ASIC2: variants seen among roughly 807,000 people sequenced by gnomAD.
ASIC2 encodes acid sensing ion channel subunit 2, also known as acid-sensing ion channel 2.
Under a neutral mutation model 57.3 loss-of-function variants are expected in ASIC2, and 25 were observed. The ratio of observed to expected loss-of-function variants is 0.44; its 90% CI spans 0.32 to 0.61. The LOEUF (loss-of-function observed/expected upper bound fraction) is 0.61, where lower values mean the gene tolerates loss of function less well. ASIC2 is among the 20% of genes least tolerant of loss of function. The pLI is 0.06. For synonymous variants in ASIC2, 319 were observed against 307.5 expected (o/e 1.04, Z -0.39); for missense variants, 641 against 738.1 (o/e 0.87, Z 1.52).
intron 1 of ASIC2, among the ~76,000 whole-genome samples, chr17:33,491,415 A>G (rs1234256258): frequency 6.6e-6 from 1 of 152,142 alleles, no homozygotes; most frequent in Non-Finnish European, 1.5e-5. Flanking sequence ...CATTTCCTAC[A>G]GTTTCTGGCT....
intron 1 of ASIC2, among the ~76,000 whole-genome samples, chr17:33,567,880 C>A (rs933452079): frequency 3.9e-5 from 6 of 152,184 alleles, no homozygotes; most frequent in East Asian, 1.9e-4. Context: ...CTCTCTCCCC[C>A]ACTCTACATA....
At chr17:34,120,245 G>C (rs1911567481) in intron 1 of ASIC2, 1 of 152,202 alleles carries the variant, frequency 6.6e-6, no homozygotes, top group Non-Finnish European at 1.5e-5. Context: ...CCAACTACCT[G>C]CTAGCGGTTT....
chr17:34,123,193 A>G lies in ASIC2; in HGVS notation c.555+32785T>C, dbSNP rs12949335. Among the ~76,000 whole-genome samples, 993 of 152,240 alleles carry G rather than the reference A, an allele frequency of 6.5e-3. 15 individuals are homozygous for G. The highest frequency in any genetic ancestry group is 0.023 in the African/African-American group (948 of 41,548). On this transcript the variant is annotated intron_variant, in intron 1 of 9. Transcript: ENST00000359872. ...AAGCTCTGGGCAGACAATCTGGTCT[A>G]TTAAGATTCTCTCTGCTGGCCCTGG... is the stretch of plus-strand genomic sequence containing the variant.
intron 1 of ASIC2, among the ~76,000 whole-genome samples, chr17:33,964,630 G>C (rs983852142): frequency 3.3e-5 from 5 of 152,176 alleles, no homozygotes; most frequent in Non-Finnish European, 5.9e-5. Context: ...GTCATTAGAA[G>C]CCCAGTTCCT....
At chr17:33,027,162 G>A (rs930868621) in intron 4 of ASIC2, among the ~76,000 whole-genome samples, 1 of 151,988 alleles carries the variant, frequency 6.6e-6, no homozygotes, top group Non-Finnish European at 1.5e-5. Flanking sequence ...CACATGCATC[G>A]ACTACCCACA....
intron 1 of ASIC2, among the ~76,000 whole-genome samples, chr17:33,272,692 CCACCATCAT>C (rs1904550157): frequency 1.3e-5 from 2 of 152,182 alleles, no homozygotes; most frequent in African/African-American, 4.8e-5. Context: ...CTATCATCAT[CCACCATCAT>C]CACCATCATC....
chr17:34,072,971 A>C (rs546093626), intron 1 of ASIC2, among the ~76,000 whole-genome samples: 2 of 152,228 alleles, frequency 1.3e-5, no homozygotes, highest in Non-Finnish European at 2.9e-5. Context: ...ACATAGAGTC[A>C]ATGAGAAAAA....
At chr17:33,579,309 G>T (rs1452346425) in intron 1 of ASIC2, among the ~76,000 whole-genome samples, 2 of 141,150 alleles carry the variant, frequency 1.4e-5, no homozygotes, top group African/African-American at 5.8e-5. Context: ...AAAAAATGCA[G>T]GTGGGTGACT....
chr17:33,241,097 T>A (rs150132228), intron 1 of ASIC2, among the ~76,000 whole-genome samples: 35 of 152,338 alleles, frequency 2.3e-4, no homozygotes, highest in African/African-American at 7.9e-4. Flanking sequence ...GCAGCGTTCA[T>A]GGTCACACAG....
At chr17:33,509,484 C>T (rs1914365167) in intron 1 of ASIC2, among the ~76,000 whole-genome samples, 1 of 152,226 alleles carries the variant, frequency 6.6e-6, no homozygotes, top group African/African-American at 2.4e-5. Flanking sequence ...GTTCTATGCT[C>T]TTCCCTCCCA....
chr17:33,340,654 A>G (rs1006274346), intron 1 of ASIC2, among the ~76,000 whole-genome samples: 1 of 152,148 alleles, frequency 6.6e-6, no homozygotes, highest in African/African-American at 2.4e-5. Flanking sequence ...CTTTGAGTGT[A>G]TCAGTGGTTT....
At chr17:33,053,288 C>T (rs2091984641) in intron 3 of ASIC2, among the ~76,000 whole-genome samples, 1 of 152,204 alleles carries the variant, frequency 6.6e-6, no homozygotes, top group Non-Finnish European at 1.5e-5. Context: ...CTACATAGCA[C>T]ATTGCAATTC....
intron 3 of ASIC2, among the ~76,000 whole-genome samples, chr17:33,032,779 C>T (rs1158983559): frequency 1.3e-5 from 2 of 152,156 alleles, no homozygotes; most frequent in Non-Finnish European, 2.9e-5. Flanking sequence ...CCTTAAGCAG[C>T]CAGTTGACTT....
Position 33,118,688 on chromosome 17 carries a change from A to G in ASIC2, c.709-6621T>C, listed in dbSNP as rs1246420518. On this transcript the variant is annotated intron_variant, in intron 1 of 9. Coordinates refer to ENST00000225823, the MANE Select transcript of ASIC2 (RefSeq NM_183377.2). ...TTCTTATTTTGCACCTGGGGAGTCT[A>G]AGGTTCAGAGGGGTGAAATGACTTG... 2.6e-5 allele frequency among the ~76,000 whole-genome samples: 4 copies of G among 152,118 alleles called. No individual in the cohort carries two copies. In the South Asian group the frequency reaches 8.3e-4, roughly 32 times the overall value.
At chr17:34,099,798 G>GAAAAGA (rs147299691) in intron 1 of ASIC2, among the ~76,000 whole-genome samples, 1,029 of 99,198 alleles carry the variant, frequency 0.01, 31 homozygotes, top group African/African-American at 0.024. Flanking sequence ...AAGAAAGAAA[G>GAAAAGA]AAAGAAAAGA....
intron 1 of ASIC2, among the ~76,000 whole-genome samples, chr17:33,223,929 G>A (rs1162018973): frequency 6.6e-6 from 1 of 152,164 alleles, no homozygotes; most frequent in East Asian, 1.9e-4. Flanking sequence ...TAAGTCAAAG[G>A]GCAATGAAGT....
chr17:34,084,987 G>A (rs1213689477), intron 1 of ASIC2, among the ~76,000 whole-genome samples: 1 of 152,154 alleles, frequency 6.6e-6, no homozygotes, highest in Admixed American at 6.5e-5. Flanking sequence ...TCTGCAAATA[G>A]GGACAATTTG....
intron 1 of ASIC2, among the ~76,000 whole-genome samples, chr17:33,612,048 C>T (rs9910032): frequency 0.44 from 67,531 of 151,994 alleles, 15,305 homozygotes; most frequent in Middle Eastern, 0.53. Flanking sequence ...AGGAAGAAGA[C>T]TGATGTCCCA....
chr17:33,014,980 G>A (rs2091798311), intron 9 of ASIC2, among the ~76,000 whole-genome samples: 3 of 152,210 alleles, frequency 2.0e-5, no homozygotes, highest in African/African-American at 7.2e-5. Flanking sequence ...CAGCCAGGAA[G>A]CCGGAGCCTT....
Sources: allele counts gnomAD v4.1 joint callset (sites outside exome capture counted in the v4.1 genomes callset), GRCh38; gene constraint gnomAD v4.1.1; transcripts MANE v1.5; gene names NCBI Gene and HGNC (gene_info 2026-07-23, HGNC 2026-07-21).